Variants in HTR1F observed in about 807,000 individuals in gnomAD.
The protein encoded by HTR1F is 5-hydroxytryptamine (serotonin) receptor 1F, G protein-coupled.
A neutral mutation model predicts 24.0 loss-of-function variants in HTR1F; 17 were observed. The ratio of observed to expected loss-of-function variants is 0.71; its 90% CI spans 0.48 to 1.06. The LOEUF (loss-of-function observed/expected upper bound fraction) is 1.06, where lower values mean the gene tolerates loss of function less well. HTR1F is among the 50% of genes least tolerant of loss of function. HTR1F has a pLI of 0.00. For synonymous variants in HTR1F, 186 were observed against 156.8 expected (o/e 1.19, Z -1.39); for missense variants, 391 against 427.8 (o/e 0.91, Z 0.76).
At chr3:87,883,608 T>G (rs1355922358) in intron 2 of HTR1F, among the ~76,000 whole-genome samples, 1 of 152,122 alleles carries the variant, frequency 6.6e-6, no homozygotes, top group African/African-American at 2.4e-5. Context: ...GAAAAAAGAT[T>G]AGACAAATGG....
intron 2 of HTR1F, among the ~76,000 whole-genome samples, chr3:87,935,668 A>T (rs72915611): frequency 1.3e-5 from 2 of 152,120 alleles, no homozygotes; most frequent in Admixed American, 6.5e-5. Flanking sequence ...AAAACAAACC[A>T]TTTCACTGTT....
At chr3:87,829,890 T>C (rs951455684) in intron 2 of HTR1F, among the ~76,000 whole-genome samples, 2 of 152,228 alleles carry the variant, frequency 1.3e-5, no homozygotes, top group Non-Finnish European at 2.9e-5. Flanking sequence ...GAGCCAGTAA[T>C]TAATATTTGC....
At chr3:87,878,888 G>T (rs1349520205) in intron 2 of HTR1F, among the ~76,000 whole-genome samples, 1 of 152,074 alleles carries the variant, frequency 6.6e-6, no homozygotes, top group Non-Finnish European at 1.5e-5. Flanking sequence ...TATTCACTTT[G>T]TTAATGTTCT....
chr3:87,854,926 T>C (rs190569863), intron 2 of HTR1F, among the ~76,000 whole-genome samples: 36 of 152,164 alleles, frequency 2.4e-4, no homozygotes, highest in African/African-American at 8.7e-4. Flanking sequence ...TTTTTTGTTG[T>C]TGTTGTTGTT....
At chr3:87,983,256 G>A (rs1305105291) in intron 2 of HTR1F, among the ~76,000 whole-genome samples, 2 of 152,060 alleles carry the variant, frequency 1.3e-5, no homozygotes, top group African/African-American at 4.8e-5. Context: ...AGATCCAGCA[G>A]GCAGTGATTT....
intron 2 of HTR1F, among the ~76,000 whole-genome samples, chr3:87,831,828 A>G (rs1015310065): frequency 6.6e-6 from 1 of 152,234 alleles, no homozygotes; most frequent in African/African-American, 2.4e-5. Context: ...TCATTAATCA[A>G]GAAATTGAAT....
chr3:87,931,006 A>C (rs556175519), intron 2 of HTR1F, among the ~76,000 whole-genome samples: 3 of 147,058 alleles, frequency 2.0e-5, no homozygotes, highest in Non-Finnish European at 4.5e-5. Context: ...CAACAACAGC[A>C]TACTGTGCCA....
At position 87,991,899 on chromosome 3, in the gene HTR1F, T is replaced by TA. The variant is rs1268392047; in HGVS notation, c.*51dup. The stretch of plus-strand genomic sequence containing the variant: ...GGATGGGGGTTTTTGAGGGGAGGAA[T>TA]AACTAGATGAATGCCAAATAATAAA... On this transcript the variant is annotated 3_prime_UTR_variant, in exon 3 of 3. Coordinates refer to ENST00000319595, the MANE Select transcript of HTR1F (RefSeq NM_001322209.2). The TA allele has an allele frequency of 2.1e-6, 3 of 1,459,104 alleles. No homozygotes were observed. Among genetic ancestry groups the TA allele is most frequent in the Non-Finnish European group, 2.8e-6 (3 of 1,087,372 alleles). 90.4% of individuals were successfully genotyped at this position (1,459,104 alleles called of 1,614,324 possible).
intron 1 of HTR1F, among the ~76,000 whole-genome samples, chr3:87,793,969 C>CAA (rs78156685): frequency 0.19 from 18,105 of 93,548 alleles, 1,157 homozygotes; most frequent in East Asian, 0.26. Context: ...TATGCTATGC[C>CAA]AAAAAAAAAA....
chr3:87,962,254 A>G (rs1049131112), intron 2 of HTR1F, among the ~76,000 whole-genome samples: 3 of 152,218 alleles, frequency 2.0e-5, no homozygotes, highest in South Asian at 2.1e-4. Context: ...TTCAAGGGGG[A>G]AAATGGAAAA....
intron 1 of HTR1F, among the ~76,000 whole-genome samples, chr3:87,796,570 G>C (rs1036554450): frequency 2.6e-5 from 4 of 152,134 alleles, no homozygotes; most frequent in East Asian, 1.9e-4. Context: ...TATTGAAGAG[G>C]GTAGGAGCCA....
chr3:87,865,118 C>T (rs1439186409), intron 2 of HTR1F, among the ~76,000 whole-genome samples: 1 of 152,034 alleles, frequency 6.6e-6, no homozygotes, highest in Non-Finnish European at 1.5e-5. Flanking sequence ...TTTAGTCATA[C>T]AGAAGCCTTG....
intron 2 of HTR1F, among the ~76,000 whole-genome samples, chr3:87,940,855 G>A (rs1266850085): frequency 6.6e-6 from 1 of 152,196 alleles, no homozygotes; most frequent in Admixed American, 6.5e-5. Context: ...GTCTCCTATA[G>A]CAGTGAGTAT....
intron 2 of HTR1F, among the ~76,000 whole-genome samples, chr3:87,897,319 T>C (rs192314952): frequency 2.0e-5 from 3 of 151,068 alleles, no homozygotes; most frequent in Admixed American, 2.0e-4. Flanking sequence ...AAAAACATAA[T>C]GCTAAGTGAA....
Position 87,991,057 on chromosome 3 carries a change from A to C in HTR1F, c.308A>C (p.Asp103Ala). ...QVVCDIWLSVDITCCTCSILH... is the reference protein window; with the variant it reads ...QVVCDIWLSVAITCCTCSILH... ...GTCTGTGACATTTGGCTGAGTGTTG[A>C]CATTACCTGCTGCACGTGCTCCATC... Residue 103 changes from aspartate to alanine, a missense_variant, in exon 3 of 3, where the codon GAC (aspartate) becomes GCC (alanine). By Grantham distance (126) the Asp-to-Ala change is moderately radical. Coordinates refer to ENST00000319595, the MANE Select transcript of HTR1F (RefSeq NM_001322209.2). The C allele has an allele frequency of 6.2e-7, 1 of 1,613,942 alleles. No homozygotes were observed. Among genetic ancestry groups the C allele is most frequent in the Non-Finnish European group, 8.5e-7 (1 of 1,180,032 alleles).
At chr3:87,823,577 C>G (rs951638194) in intron 2 of HTR1F, among the ~76,000 whole-genome samples, 9 of 150,260 alleles carry the variant, frequency 6.0e-5, no homozygotes, top group African/African-American at 2.2e-4. Context: ...TGCAGTGGCA[C>G]AGTCACAGCT....
chr3:87,991,484 T>G lies in HTR1F; in HGVS notation c.735T>G (p.Tyr245Ter), dbSNP rs201820111. Reference protein sequence around the residue: ...EKSTKSVSTSYVLEKSLSDPS... With the variant: ...EKSTKSVSTS ...GCACTAAATCAGTTTCCACATCCTATGTACTAGAAAAGTCTTTATCTGACC... is the reference window on the plus strand; with the variant it reads ...GCACTAAATCAGTTTCCACATCCTAGGTACTAGAAAAGTCTTTATCTGACC... Residue 245 changes from tyrosine to a stop codon, truncating the protein, a stop_gained, in exon 3 of 3, where the codon TAT becomes TAG. Transcript: ENST00000319595. LOFTEE classifies it high-confidence loss of function. 1.2e-6 allele frequency: 2 copies of G among 1,614,004 alleles called. No homozygotes were observed. The highest frequency in any genetic ancestry group is 1.7e-6 in the Non-Finnish European group (2 of 1,180,020).
intron 1 of HTR1F, among the ~76,000 whole-genome samples, chr3:87,794,742 C>A (rs939116753): frequency 2.6e-5 from 4 of 152,038 alleles, no homozygotes; most frequent in Admixed American, 1.3e-4. Flanking sequence ...GCCATCTTGC[C>A]GCATTAGCCA....
chr3:87,845,033 C>A (rs555287297), intron 2 of HTR1F, among the ~76,000 whole-genome samples: 3 of 151,876 alleles, frequency 2.0e-5, no homozygotes, highest in East Asian at 3.9e-4. Context: ...AATTCAACAA[C>A]CTTTCATGCT....
Sources: allele counts gnomAD v4.1 joint callset (sites outside exome capture counted in the v4.1 genomes callset), GRCh38; gene constraint gnomAD v4.1.1; transcripts MANE v1.5; gene names NCBI Gene and HGNC (gene_info 2026-07-23, HGNC 2026-07-21).